The following SYT1 variants were observed in gnomAD, a reference collection of about 807,000 sequenced individuals.
SYT1 encodes the protein synaptotagmin-1.
Under a neutral mutation model 44.8 loss-of-function variants are expected in SYT1, and 8 were observed. That is an observed-to-expected ratio of 0.18 (90% CI 0.10 to 0.32). The LOEUF is 0.32. Ranked by LOEUF, SYT1 falls within the 10% of genes least tolerant of loss-of-function variation. The probability of loss-of-function intolerance (pLI) is 1.00; values close to 1 mark genes in which losing one functional copy is unlikely to be tolerated. For synonymous variants in SYT1, 154 were observed against 188.8 expected, an observed-to-expected ratio of 0.82 and a Z score of 1.51; for missense variants, 286 against 509.3, an observed-to-expected ratio of 0.56 and a Z score of 4.22.
chr12:79,435,875 A>G (rs1427155057), intron 9 of SYT1, among the ~76,000 whole-genome samples: 3 of 152,170 alleles, frequency 2.0e-5, no homozygotes, highest in Non-Finnish European at 4.4e-5. Context: ...ATGACAATCA[A>G]AAATGTCTCA....
chr12:79,440,105 C>A (rs967989525), intron 9 of SYT1, among the ~76,000 whole-genome samples: 2 of 152,018 alleles, frequency 1.3e-5, no homozygotes, highest in East Asian at 1.9e-4. Flanking sequence ...GTAATCCCAG[C>A]TACTTGGGAG....
chr12:78,984,657 T>C (rs1869516094), intron 2 of SYT1, among the ~76,000 whole-genome samples: 1 of 151,988 alleles, frequency 6.6e-6, no homozygotes, highest in Non-Finnish European at 1.5e-5. Flanking sequence ...AATAAATGTT[T>C]ATATTCATGG....
At chr12:79,151,900 CAA>C (rs1870297474) in intron 3 of SYT1, among the ~76,000 whole-genome samples, 2 of 152,010 alleles carry the variant, frequency 1.3e-5, no homozygotes. Flanking sequence ...GGCTTATCAG[CAA>C]AGTTGAATGT....
rs536302588 is a variant in SYT1 at position 79,010,941 on chromosome 12, C to T, written c.-84+33010C>T. On this transcript the variant is annotated intron_variant, in intron 2 of 10. Transcript: ENST00000261205. ...TTTCCAAACCTATTTTATTTCCCCT[C>T]AAAGGGAAGGAAGGACAGAGGTGTC... 5.1e-4 allele frequency among the ~76,000 whole-genome samples: 77 copies of T among 152,240 alleles called. 1 individual carries two copies. The highest frequency in any genetic ancestry group is 1.4e-3 in the African/African-American group (57 of 41,536).
intron 2 of SYT1, among the ~76,000 whole-genome samples, chr12:78,986,665 T>C (rs945423757): frequency 6.6e-6 from 1 of 152,068 alleles, no homozygotes; most frequent in African/African-American, 2.4e-5. Context: ...TTTTCATTCA[T>C]GTCCTGAAAC....
intron 3 of SYT1, among the ~76,000 whole-genome samples, chr12:79,133,777 T>C (rs1186719625): frequency 6.6e-6 from 1 of 152,186 alleles, no homozygotes; most frequent in Non-Finnish European, 1.5e-5. Flanking sequence ...GACAGAAATA[T>C]GAAAGTTGAA....
intron 8 of SYT1, among the ~76,000 whole-genome samples, chr12:79,352,901 G>A (rs1882969098): frequency 6.6e-6 from 1 of 152,098 alleles, no homozygotes; most frequent in Non-Finnish European, 1.5e-5. Flanking sequence ...TTTAGAATTA[G>A]GAATAAAAGT....
intron 1 of SYT1, among the ~76,000 whole-genome samples, chr12:78,873,923 A>G (rs1467232290): frequency 6.6e-6 from 1 of 151,710 alleles, no homozygotes; most frequent in Non-Finnish European, 1.5e-5. Flanking sequence ...AATGTGGAAT[A>G]ATATAAGTGT....
intron 9 of SYT1, among the ~76,000 whole-genome samples, chr12:79,366,035 T>G (rs1439493930): frequency 6.6e-6 from 1 of 152,204 alleles, no homozygotes; most frequent in Non-Finnish European, 1.5e-5. Flanking sequence ...AAGTTCCCAA[T>G]TTCTAGACTT....
At chr12:79,358,039 G>A (rs12312877) in intron 9 of SYT1, among the ~76,000 whole-genome samples, 5,061 of 152,158 alleles carry the variant, frequency 0.033, 97 homozygotes, top group Middle Eastern at 0.065. Context: ...AATCAGATAC[G>A]TTGCTACTTG....
intron 8 of SYT1, among the ~76,000 whole-genome samples, chr12:79,332,919 T>C (rs1336293929): frequency 6.6e-6 from 1 of 152,218 alleles, no homozygotes; most frequent in African/African-American, 2.4e-5. Context: ...AATCTAATTA[T>C]ATTATTTTCA....
chr12:79,272,901 C>G (rs1285364245), intron 4 of SYT1, among the ~76,000 whole-genome samples: 1 of 152,024 alleles, frequency 6.6e-6, no homozygotes, highest in Non-Finnish European at 1.5e-5. Context: ...ATACCACAGA[C>G]AGTGTTGTTT....
At chr12:79,293,411 T>A (rs7306896) in intron 6 of SYT1, among the ~76,000 whole-genome samples, 2,352 of 62,854 alleles carry the variant, frequency 0.037, 181 homozygotes, top group East Asian at 0.11. Context: ...AAAATAAAAT[T>A]AAAAAATCTG....
chr12:78,873,054 C>T (rs1231294872), intron 1 of SYT1, among the ~76,000 whole-genome samples: 1 of 151,640 alleles, frequency 6.6e-6, no homozygotes, highest in East Asian at 1.9e-4. Context: ...TTACTGTGTT[C>T]ATGACAGGCG....
intron 8 of SYT1, among the ~76,000 whole-genome samples, chr12:79,303,130 A>C (rs1224713097): frequency 2.0e-5 from 3 of 152,120 alleles, no homozygotes; most frequent in Non-Finnish European, 4.4e-5. Flanking sequence ...TTTTAGAATA[A>C]TCTATTTAAT....
intron 2 of SYT1, among the ~76,000 whole-genome samples, chr12:79,040,149 G>GTT (rs1433532170): frequency 1.3e-5 from 2 of 151,902 alleles, no homozygotes; most frequent in African/African-American, 4.8e-5. Flanking sequence ...GTAATGGGAT[G>GTT]GCTGGGTCAA....
intron 9 of SYT1, among the ~76,000 whole-genome samples, chr12:79,420,415 CCTT>C (rs745315194): frequency 2.6e-5 from 4 of 152,098 alleles, no homozygotes; most frequent in South Asian, 2.1e-4. Flanking sequence ...TGGGTCCCTC[CCTT>C]CTTTACTGGT....
chr12:78,877,600 A>C (rs1025172583), intron 1 of SYT1, among the ~76,000 whole-genome samples: 1 of 151,712 alleles, frequency 6.6e-6, no homozygotes, highest in African/African-American at 2.4e-5. Context: ...ATCCTTTTCT[A>C]TTTCATTAAA....
chr12:79,249,526 G>A (rs1279114406), intron 4 of SYT1, among the ~76,000 whole-genome samples: 2 of 152,174 alleles, frequency 1.3e-5, no homozygotes, highest in Non-Finnish European at 2.9e-5. Context: ...GACTAGACTA[G>A]CAGCCCAATC....
Sources: allele counts gnomAD v4.1 joint callset (sites outside exome capture counted in the v4.1 genomes callset), GRCh38; gene constraint gnomAD v4.1.1; transcripts MANE v1.5; gene names NCBI Gene and HGNC (gene_info 2026-07-23, HGNC 2026-07-21).